C6orf118: variants seen among roughly 807,000 people sequenced by gnomAD.
C6orf118 encodes uncharacterized protein C6orf118.
C6orf118 carries 50 observed loss-of-function variants against 50.2 expected under a neutral mutation model. The ratio of observed to expected loss-of-function variants is 1.00; its 90% CI spans 0.79 to 1.26. The LOEUF (loss-of-function observed/expected upper bound fraction) is 1.26. Among genes scored for constraint, C6orf118 ranks in the 50% most tolerant of loss-of-function variants. The probability of loss-of-function intolerance (pLI) is 0.00; values close to 1 mark genes in which losing one functional copy is unlikely to be tolerated. For synonymous variants in C6orf118, 239 were observed against 230.9 expected, an observed-to-expected ratio of 1.03 and a Z score of -0.32; for missense variants, 641 against 578.7, an observed-to-expected ratio of 1.11 and a Z score of -1.10.
intron 8 of C6orf118, among the ~76,000 whole-genome samples, chr6:165,280,404 C>T (rs1331600113): frequency 6.6e-6 from 1 of 152,174 alleles, no homozygotes; most frequent in Non-Finnish European, 1.5e-5. Context: ...TTGCCAAGGC[C>T]ATGGGAGGTG....
At chr6:165,299,018 A>C (rs2128162055) in intron 4 of C6orf118, among the ~76,000 whole-genome samples, 1 of 152,302 alleles carries the variant, frequency 6.6e-6, no homozygotes, top group Non-Finnish European at 1.5e-5. Flanking sequence ...CACATGTTTA[A>C]CCCGACCCTG....
chr6:165,295,439 C>T (rs1780255685), intron 5 of C6orf118, among the ~76,000 whole-genome samples: 1 of 152,046 alleles, frequency 6.6e-6, no homozygotes. Flanking sequence ...ATTACTATTC[C>T]TTGGTAAGGC....
At chr6:165,303,491 A>G (rs936615575) in intron 1 of C6orf118, among the ~76,000 whole-genome samples, 44 of 146,780 alleles carry the variant, frequency 3.0e-4, no homozygotes, top group Non-Finnish European at 6.2e-4. Context: ...TGAAGGAAAT[A>G]GAGACACAAA....
intron 6 of C6orf118, among the ~76,000 whole-genome samples, chr6:165,290,768 A>G (rs1264299607): frequency 6.6e-6 from 1 of 152,170 alleles, no homozygotes; most frequent in East Asian, 1.9e-4. Context: ...TTGGGAAGCT[A>G]TGGCAATCAT....
intron 7 of C6orf118, 108 bp from the exon 8 acceptor site, chr6:165,281,801 C>T: frequency 3.5e-6 from 2 of 574,254 alleles, no homozygotes; most frequent in Non-Finnish European, 2.8e-6. Context: ...TTCAAGAGTA[C>T]TCAATAGCAC....
At position 165,293,400 on chromosome 6, in the gene C6orf118, C is replaced by A; in HGVS notation, c.1120+13G>T. ...AAAGCACCCATAAGGAAGGACATCA[C>A]ACAGACACCTGCCTGATCGTTCCTT... is the stretch of plus-strand genomic sequence containing the variant. On this transcript the variant is annotated intron_variant, in intron 6 of 8. Transcript: ENST00000230301. 14 of 1,613,334 alleles carry A rather than the reference C, an allele frequency of 8.7e-6. No homozygotes were observed. The highest frequency in any genetic ancestry group is 1.1e-5 in the Non-Finnish European group (13 of 1,179,240).
intron 1 of C6orf118, among the ~76,000 whole-genome samples, chr6:165,306,729 G>A (rs1780752097): frequency 6.6e-6 from 1 of 151,958 alleles, no homozygotes; most frequent in South Asian, 2.1e-4. Context: ...TTTCCAAGAA[G>A]GATTTGAAGC....
rs367717621 is a variant in C6orf118 at position 165,302,068 on chromosome 6, C to T, written c.254G>A (p.Arg85Gln). The T allele has an allele frequency of 1.4e-5, 22 of 1,613,756 alleles. No individual in the cohort carries two copies. The highest frequency in any genetic ancestry group is 1.7e-5 in the Non-Finnish European group (20 of 1,179,988). Residue 85 changes from arginine to glutamine, a missense_variant, in exon 2 of 9, where the codon CGG (arginine) becomes CAG (glutamine). By Grantham distance (43) the Arg-to-Gln change is conservative. Transcript: ENST00000230301. ...CTCAGAGGCGCGCTCCCCCTTGGGC[C>T]GGTGGGCATTGGGCCAGTGCTGTAA... ...TILQHWPNAH[R>Q]PKGERASEVG...
chr6:165,306,715 T>C (rs1780751831), intron 1 of C6orf118, among the ~76,000 whole-genome samples: 1 of 152,144 alleles, frequency 6.6e-6, no homozygotes, highest in Non-Finnish European at 1.5e-5. Flanking sequence ...CTTTGTTTAT[T>C]TTATTTCCAA....
At position 165,302,000 on chromosome 6, in the gene C6orf118, C is replaced by A; in HGVS notation, c.322G>T (p.Ala108Ser). 1 of 1,613,560 alleles carries A rather than the reference C, an allele frequency of 6.2e-7. No homozygotes were observed. ...GTGTGGATGGTGAAGTGGGCCAGGG[C>A]CTCCTTCATCCTCGCCACCTTCCCT... ...PAGKVARMKE[A>S]LAHFTIHTAL... is the part of the protein sequence containing the mutation. The change falls in exon 2 of 9, where the codon GCC becomes TCC. Residue 108 changes from alanine (A) to serine (S), a missense_variant. Physicochemically the swap from Ala to Ser is moderately conservative, Grantham distance 99 (BLOSUM62 1). Coordinates refer to ENST00000230301, the MANE Select transcript of C6orf118 (RefSeq NM_144980.4).
chr6:165,301,572 C>T lies in C6orf118; in HGVS notation c.750G>A (p.Gln250=). ...KAAAGHERKL[Q]QELQKICTCS... is the part of the protein sequence containing the mutation. Reference sequence around the variant, plus strand: ...ACCGCAGGGCTGCCCTCCTCACCTGCTGCAGCTTTCTCTCGTGGCCCGCGG... The same window carrying T: ...ACCGCAGGGCTGCCCTCCTCACCTGTTGCAGCTTTCTCTCGTGGCCCGCGG... The change falls in exon 2 of 9, where the codon CAG becomes CAA. Residue 250 remains glutamine (Q), a synonymous_variant. Transcript: ENST00000230301. 1 of 1,610,212 alleles carries T rather than the reference C, an allele frequency of 6.2e-7. No homozygotes were observed. The highest frequency in any genetic ancestry group is 8.5e-7 in the Non-Finnish European group (1 of 1,178,174).
chr6:165,296,392 G>C (rs1780311343), intron 5 of C6orf118, among the ~76,000 whole-genome samples: 1 of 151,374 alleles, frequency 6.6e-6, no homozygotes, highest in South Asian at 2.1e-4. Context: ...CCTCAAAATG[G>C]TCAGTTCAGA....
intron 5 of C6orf118, among the ~76,000 whole-genome samples, chr6:165,296,853 C>T (rs73788321): frequency 0.063 from 9,617 of 152,246 alleles, 337 homozygotes; most frequent in Non-Finnish European, 0.083. Flanking sequence ...TGAATGTCAC[C>T]TTTTACCAGC....
At chr6:165,286,372 T>C (rs934199699) in intron 7 of C6orf118, among the ~76,000 whole-genome samples, 3 of 152,158 alleles carry the variant, frequency 2.0e-5, no homozygotes, top group Admixed American at 6.6e-5. Flanking sequence ...ACTGGCACCA[T>C]TTCTTCTGAA....
Position 165,280,796 on chromosome 6 carries a change from G to A in C6orf118, c.1357-686C>T, listed in dbSNP as rs113525163. Among the ~76,000 whole-genome samples, 1,172 of 152,286 alleles carry A rather than the reference G, an allele frequency of 7.7e-3. 62 individuals carry two copies. Among genetic ancestry groups the A allele is most frequent in the Admixed American group, 0.069 (1,058 of 15,304 alleles). On this transcript the variant is annotated intron_variant, in intron 8 of 8. Coordinates refer to ENST00000230301, the MANE Select transcript of C6orf118 (RefSeq NM_144980.4). ...CTGAAGGCAGCCATATTGAGACCCC[G>A]AGGAGGCAGCAGCCACACTCAAAGG...
At chr6:165,293,340 C>T in intron 6 of C6orf118, 73 bp downstream of exon 6, 1 of 1,353,252 alleles carries the variant, frequency 7.4e-7, no homozygotes, top group Non-Finnish European at 1.1e-6. Flanking sequence ...GACAGGCAGC[C>T]ACACTGCAGC....
chr6:165,308,681 C>T (rs776675172), intron 1 of C6orf118, among the ~76,000 whole-genome samples: 16 of 152,136 alleles, frequency 1.1e-4, no homozygotes, highest in Non-Finnish European at 2.4e-4. Flanking sequence ...ATTCCACAGC[C>T]GGTGTGCGGC....
chr6:165,293,912 A>G (rs866991599), intron 5 of C6orf118, among the ~76,000 whole-genome samples: 7 of 152,324 alleles, frequency 4.6e-5, no homozygotes, highest in Middle Eastern at 3.4e-3. Context: ...ATTCTGTGCA[A>G]CAGATACGAT....
At chr6:165,285,398 C>G (rs367641131) in intron 7 of C6orf118, among the ~76,000 whole-genome samples, 3 of 152,188 alleles carry the variant, frequency 2.0e-5, no homozygotes, top group African/African-American at 7.2e-5. Context: ...ATCATAGAGA[C>G]AGAAAATTAA....
Sources: gnomAD v4.1 joint callset for allele counts (sites outside exome capture counted in the v4.1 genomes callset) on GRCh38, gnomAD v4.1.1 for gene constraint, MANE v1.5 for transcripts, NCBI Gene and HGNC (gene_info 2026-07-23, HGNC 2026-07-21) for gene names.